The following KLF12 variants were observed in gnomAD, a reference collection of about 807,000 sequenced individuals.
KLF12 encodes KLF transcription factor 12.
KLF12 carries 9 observed loss-of-function variants against 37.8 expected under a neutral mutation model. The ratio of observed to expected loss-of-function variants is 0.24; its 90% CI spans 0.14 to 0.42. The LOEUF (loss-of-function observed/expected upper bound fraction) is 0.42. KLF12 is among the 10% of genes least tolerant of loss of function. The pLI, the probability that KLF12 is intolerant of heterozygous loss-of-function variation, is 1.00. For missense variants in KLF12, 411 were observed against 516.0 expected, an observed-to-expected ratio of 0.80 and a Z score of 1.97; for synonymous variants, 208 against 202.1, an observed-to-expected ratio of 1.03 and a Z score of -0.25.
chr13:74,019,776 GC>G (rs1420958992), intron 1 of KLF12, among the ~76,000 whole-genome samples: 2 of 152,156 alleles, frequency 1.3e-5, no homozygotes, highest in African/African-American at 2.4e-5. Context: ...CTGCATTGAA[GC>G]CCCCTGGTCT....
At chr13:73,806,734 GT>G (rs1882653782) in intron 5 of KLF12, among the ~76,000 whole-genome samples, 1 of 151,578 alleles carries the variant, frequency 6.6e-6, no homozygotes, top group African/African-American at 2.4e-5. Context: ...TTCTTTATCT[GT>G]AGGATACAGA....
chr13:73,753,893 C>T (rs781367857), intron 6 of KLF12, among the ~76,000 whole-genome samples: 16 of 152,150 alleles, frequency 1.1e-4, no homozygotes, highest in African/African-American at 2.9e-4. Flanking sequence ...ACTCTGATTG[C>T]GATCCTCCCT....
chr13:73,794,577 C>T (rs1196060564), intron 5 of KLF12, among the ~76,000 whole-genome samples: 1 of 152,192 alleles, frequency 6.6e-6, no homozygotes, highest in Non-Finnish European at 1.5e-5. Flanking sequence ...ATATATATTA[C>T]AGTTGAAACA....
chr13:73,733,249 T>C (rs1877205133), intron 6 of KLF12, among the ~76,000 whole-genome samples: 1 of 152,176 alleles, frequency 6.6e-6, no homozygotes, highest in Non-Finnish European at 1.5e-5. Flanking sequence ...AATATTTACA[T>C]GTAGAGCTTC....
At chr13:73,801,416 T>C (rs1401344235) in intron 5 of KLF12, 1 of 152,132 alleles carries the variant, frequency 6.6e-6, no homozygotes, top group Non-Finnish European at 1.5e-5. Context: ...GCTATATTAA[T>C]AAATGAAATA....
At chr13:73,765,636 T>G (rs1594065522) in intron 5 of KLF12, among the ~76,000 whole-genome samples, 1 of 152,186 alleles carries the variant, frequency 6.6e-6, no homozygotes, top group South Asian at 2.1e-4. Context: ...CTTTCCAAGC[T>G]TCCAGGATTG....
intron 1 of KLF12, among the ~76,000 whole-genome samples, chr13:74,090,531 G>A (rs991298477): frequency 1.3e-5 from 2 of 152,130 alleles, no homozygotes; most frequent in African/African-American, 2.4e-5. Context: ...ATTCTAAAAT[G>A]CATGTAGAGT....
At chr13:74,267,645 G>A in the KLF12 span, among the ~76,000 whole-genome samples, 6 of 152,204 alleles carry the variant, frequency 3.9e-5, no homozygotes, top group East Asian at 1.2e-3. Flanking sequence ...TTATAGAGAA[G>A]AAATAGGCTC....
chr13:74,241,158 T>A, the KLF12 span, among the ~76,000 whole-genome samples: 32 of 152,232 alleles, frequency 2.1e-4, no homozygotes, highest in East Asian at 6.0e-3. Flanking sequence ...GTTTTCCTTC[T>A]AACAGACAGG....
At chr13:73,866,868 T>C (rs917148414) in intron 3 of KLF12, among the ~76,000 whole-genome samples, 2 of 141,228 alleles carry the variant, frequency 1.4e-5, no homozygotes, top group African/African-American at 5.4e-5. Context: ...TTTTGAGGTT[T>C]AAAATGTGGG....
intron 1 of KLF12, among the ~76,000 whole-genome samples, chr13:74,122,760 A>C (rs1397095511): frequency 6.6e-6 from 1 of 152,036 alleles, no homozygotes; most frequent in Non-Finnish European, 1.5e-5. Flanking sequence ...ACTGAACAAA[A>C]AAAGATAAAA....
At chr13:74,121,134 C>G (rs1877612633) in intron 1 of KLF12, among the ~76,000 whole-genome samples, 1 of 152,070 alleles carries the variant, frequency 6.6e-6, no homozygotes. Flanking sequence ...CACCTAATAA[C>G]AGAGTTTCAA....
chr13:73,730,676 G>A (rs540167684), intron 6 of KLF12, among the ~76,000 whole-genome samples: 1 of 152,240 alleles, frequency 6.6e-6, no homozygotes, highest in South Asian at 2.1e-4. Flanking sequence ...CAACAAATAA[G>A]TCTTGAAGAA....
intron 1 of KLF12, among the ~76,000 whole-genome samples, chr13:74,083,216 T>A (rs982972088): frequency 3.3e-5 from 5 of 152,112 alleles, no homozygotes; most frequent in African/African-American, 4.8e-5. Context: ...ATTTATTCCA[T>A]CAAAGATGTA....
At chr13:74,006,111 C>A (rs1892402884) in intron 1 of KLF12, among the ~76,000 whole-genome samples, 1 of 152,182 alleles carries the variant, frequency 6.6e-6, no homozygotes, top group Non-Finnish European at 1.5e-5. Flanking sequence ...AGAACAATTT[C>A]TGTCATTGCT....
At chr13:73,815,467 T>G (rs1883164864) in intron 4 of KLF12, among the ~76,000 whole-genome samples, 1 of 152,194 alleles carries the variant, frequency 6.6e-6, no homozygotes, top group African/African-American at 2.4e-5. Flanking sequence ...GGAATGACTT[T>G]GTGTAATAAT....
chr13:74,074,673 T>C (rs533060913), intron 1 of KLF12, among the ~76,000 whole-genome samples: 3 of 152,296 alleles, frequency 2.0e-5, no homozygotes, highest in Non-Finnish European at 4.4e-5. Context: ...ATGTGAAAGT[T>C]TGTTATATAG....
chr13:74,297,513 C>G, the KLF12 span, among the ~76,000 whole-genome samples: 1 of 152,212 alleles, frequency 6.6e-6, no homozygotes, highest in African/African-American at 2.4e-5. Flanking sequence ...CTTGAAGTGT[C>G]TCTATAGGTA....
At chr13:74,267,912 A>T in the KLF12 span, among the ~76,000 whole-genome samples, 1 of 152,114 alleles carries the variant, frequency 6.6e-6, no homozygotes, top group Non-Finnish European at 1.5e-5. Context: ...AGACACAGAG[A>T]AGGCCATGTG....
Sources: gnomAD v4.1 joint callset for allele counts (sites outside exome capture counted in the v4.1 genomes callset) on GRCh38, gnomAD v4.1.1 for gene constraint, MANE v1.5 for transcripts, NCBI Gene and HGNC (gene_info 2026-07-23, HGNC 2026-07-21) for gene names.